Variants in INPP4B observed in about 807,000 individuals in gnomAD.
The protein encoded by INPP4B is inositol polyphosphate-4-phosphatase type II B.
A neutral mutation model predicts 122.5 loss-of-function variants in INPP4B; 55 were observed. The observed-to-expected ratio is 0.45, with a 90% CI of 0.36 to 0.56. The LOEUF (loss-of-function observed/expected upper bound fraction) is 0.56, where lower values mean the gene tolerates loss of function less well. INPP4B is among the 20% of genes least tolerant of loss of function. The pLI is 0.00. For missense variants in INPP4B, 1,000 were observed against 1,097.7 expected (o/e 0.91, Z 1.26); for synonymous variants, 403 against 388.7 (o/e 1.04, Z -0.43).
chr4:142,798,227 A>G (rs1436113602), intron 1 of INPP4B, among the ~76,000 whole-genome samples: 1 of 151,922 alleles, frequency 6.6e-6, no homozygotes, highest in Admixed American at 6.6e-5. Context: ...ACACATAAAA[A>G]GCAACCCAAA....
chr4:142,164,688 T>C (rs1002535411), intron 16 of INPP4B, among the ~76,000 whole-genome samples: 10 of 151,772 alleles, frequency 6.6e-5, no homozygotes, highest in Non-Finnish European at 1.0e-4. Flanking sequence ...TGGGAGTTCA[T>C]TGTAAACCCT....
At chr4:142,555,477 C>T (rs1580358122) in intron 2 of INPP4B, among the ~76,000 whole-genome samples, 1 of 152,138 alleles carries the variant, frequency 6.6e-6, no homozygotes, top group African/African-American at 2.4e-5. Flanking sequence ...ATTTATTAGA[C>T]ACTGAATAGT....
chr4:142,405,124 G>GGGGT, intron 6 of INPP4B, 82 bp downstream of exon 6: 5 of 691,944 alleles, frequency 7.2e-6, no homozygotes, highest in East Asian at 5.8e-5. Context: ...GGGGTGGGGG[G>GGGGT]GAGGGAGAGA....
At chr4:142,350,627 C>A (rs377160764) in intron 7 of INPP4B, among the ~76,000 whole-genome samples, 1 of 151,878 alleles carries the variant, frequency 6.6e-6, no homozygotes, top group East Asian at 1.9e-4. Context: ...ATTTCAAGTA[C>A]CCTGCTATTG....
At chr4:142,594,784 T>C (rs1339827699) in intron 2 of INPP4B, among the ~76,000 whole-genome samples, 1 of 151,780 alleles carries the variant, frequency 6.6e-6, no homozygotes, top group Admixed American at 6.6e-5. Context: ...TGAAACCCCA[T>C]CTCTACCAAA....
chr4:142,380,088 G>T (rs1258315170), intron 7 of INPP4B, among the ~76,000 whole-genome samples: 1 of 152,184 alleles, frequency 6.6e-6, no homozygotes, highest in Non-Finnish European at 1.5e-5. Context: ...AATCCCAGTG[G>T]TCAGTTATCA....
intron 15 of INPP4B, among the ~76,000 whole-genome samples, chr4:142,190,173 T>C (rs1444019428): frequency 6.7e-6 from 1 of 149,956 alleles, no homozygotes; most frequent in Non-Finnish European, 1.5e-5. Flanking sequence ...GACTTGGCTA[T>C]CTGGGTTTTT....
chr4:142,559,867 GA>G (rs369366044), intron 2 of INPP4B, among the ~76,000 whole-genome samples: 130 of 151,354 alleles, frequency 8.6e-4, no homozygotes, highest in African/African-American at 2.7e-3. Flanking sequence ...TTATTATGTT[GA>G]AAAAAAGTTT....
At chr4:142,458,770 T>C (rs1460481532) in intron 3 of INPP4B, among the ~76,000 whole-genome samples, 7 of 152,194 alleles carry the variant, frequency 4.6e-5, no homozygotes, top group Non-Finnish European at 1.0e-4. Context: ...TGAGGCTCCC[T>C]TGGGTTTGAT....
intron 2 of INPP4B, among the ~76,000 whole-genome samples, chr4:142,571,254 A>T (rs1405548389): frequency 6.6e-6 from 1 of 151,976 alleles, no homozygotes; most frequent in Admixed American, 6.6e-5. Flanking sequence ...CCACACCTTG[A>T]CTTACAACCC....
At chr4:142,296,599 A>C (rs1390481733) in intron 9 of INPP4B, among the ~76,000 whole-genome samples, 1 of 152,250 alleles carries the variant, frequency 6.6e-6, no homozygotes, top group Non-Finnish European at 1.5e-5. Flanking sequence ...TGTGATCCTC[A>C]CAGAGAACCC....
intron 5 of INPP4B, among the ~76,000 whole-genome samples, chr4:142,421,133 T>A (rs560653874): frequency 6.6e-6 from 1 of 152,258 alleles, no homozygotes; most frequent in Non-Finnish European, 1.5e-5. Flanking sequence ...TAGTTCTTAG[T>A]TGGAAGCTAT....
intron 12 of INPP4B, among the ~76,000 whole-genome samples, chr4:142,216,645 A>C (rs369908576): frequency 9.8e-5 from 15 of 152,306 alleles, no homozygotes; most frequent in African/African-American, 3.4e-4. Context: ...TATTTCAAAA[A>C]CACATGCTTT....
intron 3 of INPP4B, among the ~76,000 whole-genome samples, chr4:142,435,819 A>T (rs913042298): frequency 6.6e-6 from 1 of 152,160 alleles, no homozygotes; most frequent in Non-Finnish European, 1.5e-5. Context: ...ACTGGGGCCT[A>T]GGGTCCCAAC....
chr4:142,828,893 G>C (rs538083611), intron 1 of INPP4B, among the ~76,000 whole-genome samples: 1 of 152,092 alleles, frequency 6.6e-6, no homozygotes, highest in Admixed American at 6.6e-5. Context: ...ATGTTGACTT[G>C]GATCCACTCT....
chr4:142,478,565 T>C (rs1382688465), intron 2 of INPP4B, among the ~76,000 whole-genome samples: 2 of 152,194 alleles, frequency 1.3e-5, no homozygotes, highest in Non-Finnish European at 2.9e-5. Flanking sequence ...TTGTTTTTAG[T>C]TCGGTTTATG....
intron 20 of INPP4B, 49 bp downstream of exon 20, chr4:142,123,243 T>G (rs370496663): frequency 1.0e-5 from 15 of 1,436,184 alleles, no homozygotes; most frequent in Non-Finnish European, 1.4e-5. Context: ...GGATTAAATG[T>G]CCTTCTGAAT....
chr4:142,108,354 A>G (rs1423567394), intron 22 of INPP4B, among the ~76,000 whole-genome samples, 164 bp from the exon 23 acceptor site: 1 of 152,170 alleles, frequency 6.6e-6, no homozygotes, highest in Non-Finnish European at 1.5e-5. Context: ...ACATATTCCA[A>G]TCTCCACTGG....
At chr4:142,810,028 G>T (rs1023831456) in intron 1 of INPP4B, among the ~76,000 whole-genome samples, 24 of 151,864 alleles carry the variant, frequency 1.6e-4, no homozygotes, top group African/African-American at 5.3e-4. Flanking sequence ...AAATTAGCTG[G>T]TCATGGTGGT....
Sources: allele counts gnomAD v4.1 joint callset (sites outside exome capture counted in the v4.1 genomes callset), GRCh38; gene constraint gnomAD v4.1.1; transcripts MANE v1.5; gene names NCBI Gene and HGNC (gene_info 2026-07-23, HGNC 2026-07-21).